Variants in TAFA4 observed in about 807,000 individuals in gnomAD.
TAFA4 encodes TAFA chemokine like family member 4.
A neutral mutation model predicts 21.1 loss-of-function variants in TAFA4; 20 were observed. The observed-to-expected ratio is 0.95, with a 90% CI of 0.67 to 1.38. TAFA4 has a LOEUF of 1.38. Among genes scored for constraint, TAFA4 ranks in the 40% most tolerant of loss-of-function variants. The pLI is 0.00. For missense variants in TAFA4, 211 were observed against 180.9 expected, an observed-to-expected ratio of 1.17 and a Z score of -0.95; for synonymous variants, 71 against 67.4, an observed-to-expected ratio of 1.05 and a Z score of -0.26.
chr3:68,906,497 A>T (rs1372070902), intron 1 of TAFA4, among the ~76,000 whole-genome samples: 1 of 152,080 alleles, frequency 6.6e-6, no homozygotes, highest in Non-Finnish European at 1.5e-5. Flanking sequence ...TGAGACAGGG[A>T]CTCCCTAAGA....
At chr3:68,867,771 T>G (rs1262499733) in intron 3 of TAFA4, among the ~76,000 whole-genome samples, 1 of 152,086 alleles carries the variant, frequency 6.6e-6, no homozygotes, top group Admixed American at 6.6e-5. Context: ...TTATTTAAAA[T>G]AACTTGTTAT....
At chr3:68,817,162 T>A (rs1032372596) in intron 3 of TAFA4, among the ~76,000 whole-genome samples, 7 of 152,242 alleles carry the variant, frequency 4.6e-5, no homozygotes, top group Non-Finnish European at 8.8e-5. Flanking sequence ...AATAAATTTA[T>A]GTAATATACT....
chr3:68,761,228 C>T (rs188182368), intron 3 of TAFA4, among the ~76,000 whole-genome samples: 1 of 152,226 alleles, frequency 6.6e-6, no homozygotes, highest in Non-Finnish European at 1.5e-5. Flanking sequence ...TGAAACACTG[C>T]AGATACTGAA....
At chr3:68,829,887 G>C (rs1165602825) in intron 3 of TAFA4, among the ~76,000 whole-genome samples, 1 of 152,156 alleles carries the variant, frequency 6.6e-6, no homozygotes, top group Non-Finnish European at 1.5e-5. Context: ...TCTATTCAGA[G>C]ATTCAACTTC....
intron 3 of TAFA4, among the ~76,000 whole-genome samples, chr3:68,826,572 CAAA>C (rs34471537): frequency 1.4e-4 from 14 of 101,690 alleles, no homozygotes; most frequent in Admixed American, 2.1e-4. Flanking sequence ...GACTCTGCCT[CAAA>C]AAAAAAAAAA....
At chr3:68,911,442 C>G (rs559509464) in intron 1 of TAFA4, among the ~76,000 whole-genome samples, 1 of 152,232 alleles carries the variant, frequency 6.6e-6, no homozygotes, top group Non-Finnish European at 1.5e-5. Flanking sequence ...AGGTCCCATG[C>G]TAGCTCATTT....
chr3:68,783,673 C>CACAGAGAGAG (rs1197438062), intron 3 of TAFA4, among the ~76,000 whole-genome samples: 8 of 86,190 alleles, frequency 9.3e-5, no homozygotes, highest in Non-Finnish European at 1.6e-4. Flanking sequence ...CACACACACA[C>CACAGAGAGAG]AGAGAGAGAG....
rs941072388 is a variant in TAFA4, at chr3:68,732,369, G to T, written c.*773C>A. On this transcript the variant is annotated 3_prime_UTR_variant, in exon 6 of 6. Coordinates refer to ENST00000295569, the MANE Select transcript of TAFA4 (RefSeq NM_182522.5). Reference sequence around the variant, plus strand: ...TATATTTTAAATGATTTACCTACATGACTACACAAAAGCCGTAAAAATTCC... The same window carrying T: ...TATATTTTAAATGATTTACCTACATTACTACACAAAAGCCGTAAAAATTCC... 2 of 152,372 alleles carry T rather than the reference G, an allele frequency of 1.3e-5. No individual in the cohort carries two copies. Among genetic ancestry groups the T allele is most frequent in the African/African-American group, 4.8e-5 (2 of 41,342 alleles). The allele number at this position is 152,372 out of a possible 1,614,324, so 9.4% of individuals were successfully genotyped here. A position where few individuals can be genotyped will look rare whatever the true frequency, so the allele number is the denominator to read the frequency against.
At chr3:68,931,051 A>C (rs1242049923) in intron 1 of TAFA4, among the ~76,000 whole-genome samples, 2 of 152,316 alleles carry the variant, frequency 1.3e-5, no homozygotes, top group South Asian at 4.1e-4. Context: ...ATCAGTGTGC[A>C]CAAGTTTGGG....
At chr3:68,805,723 CG>C (rs1703681681) in intron 3 of TAFA4, among the ~76,000 whole-genome samples, 1 of 151,206 alleles carries the variant, frequency 6.6e-6, no homozygotes, top group Admixed American at 6.6e-5. Context: ...CCAAACACCG[CG>C]TGTTCTCACT....
chr3:68,832,204 T>C (rs984813048), intron 3 of TAFA4, among the ~76,000 whole-genome samples: 1 of 152,218 alleles, frequency 6.6e-6, no homozygotes, highest in African/African-American at 2.4e-5. Context: ...TCATTCTCTG[T>C]CCAGTTTTGT....
rs367725311 is a variant in TAFA4 at position 68,827,738 on chromosome 3, T to C, written c.130+52992A>G. Among the ~76,000 whole-genome samples, 18 of 152,332 alleles carry C rather than the reference T, an allele frequency of 1.2e-4. No homozygotes were observed. The East Asian group carries it at 3.1e-3, about 26-fold the overall frequency. On this transcript the variant is annotated intron_variant, in intron 3 of 5. Coordinates refer to ENST00000295569, the MANE Select transcript of TAFA4 (RefSeq NM_182522.5). ...GCCCACTTTTTAACGGGGTTGTTTT[T>C]TTCTTTTAAATTTGTTTAAGTTCTT...
intron 3 of TAFA4, among the ~76,000 whole-genome samples, chr3:68,831,615 A>AC (rs1467862172): frequency 6.6e-6 from 1 of 151,650 alleles, no homozygotes; most frequent in African/African-American, 2.4e-5. Flanking sequence ...TGCCCTTAAC[A>AC]TTTTTTCCTT....
intron 1 of TAFA4, among the ~76,000 whole-genome samples, chr3:68,910,144 A>G (rs906245540): frequency 1.3e-5 from 2 of 152,238 alleles, no homozygotes; most frequent in African/African-American, 4.8e-5. Flanking sequence ...AGCAAGGCAG[A>G]GTTTTATATA....
intron 3 of TAFA4, among the ~76,000 whole-genome samples, chr3:68,862,282 A>G (rs1278950707): frequency 2.6e-5 from 4 of 152,144 alleles, no homozygotes; most frequent in African/African-American, 4.8e-5. Context: ...CTCCAAACAC[A>G]TATTGTAAGT....
intron 4 of TAFA4, among the ~76,000 whole-genome samples, chr3:68,747,255 C>T (rs2106743465): frequency 6.6e-6 from 1 of 152,058 alleles, no homozygotes; most frequent in East Asian, 1.9e-4. Flanking sequence ...TTCTCTCTCT[C>T]TCTCTCAAAC....
At chr3:68,842,012 T>A (rs937335853) in intron 3 of TAFA4, among the ~76,000 whole-genome samples, 4 of 152,196 alleles carry the variant, frequency 2.6e-5, no homozygotes, top group Admixed American at 6.5e-5. Flanking sequence ...AACATACGTG[T>A]GCATGTGTCC....
At chr3:68,811,542 G>C (rs1043019485) in intron 3 of TAFA4, among the ~76,000 whole-genome samples, 4 of 152,180 alleles carry the variant, frequency 2.6e-5, no homozygotes, top group Non-Finnish European at 5.9e-5. Flanking sequence ...AGCCTTAGTA[G>C]CCAATTCAAT....
intron 3 of TAFA4, among the ~76,000 whole-genome samples, chr3:68,873,485 TCTCC>T (rs2089512626): frequency 6.6e-6 from 1 of 152,050 alleles, no homozygotes; most frequent in African/African-American, 2.4e-5. Flanking sequence ...ATAGCTGCTC[TCTCC>T]CTTTCAATTT....
Sources: gnomAD v4.1 joint callset for allele counts (sites outside exome capture counted in the v4.1 genomes callset) on GRCh38, gnomAD v4.1.1 for gene constraint, MANE v1.5 for transcripts, NCBI Gene and HGNC (gene_info 2026-07-23, HGNC 2026-07-21) for gene names.